The following ACLY variants were observed in gnomAD, a reference collection of about 807,000 sequenced individuals.
The protein encoded by ACLY is ATP-citrate synthase.
In ACLY, 41 loss-of-function variants were observed where a neutral mutation model predicts 133.0. That is an observed-to-expected ratio of 0.31 (90% CI 0.24 to 0.40). ACLY has a LOEUF of 0.40. Among genes scored for constraint, ACLY ranks in the 10% least tolerant of loss-of-function variants. ACLY has a pLI of 1.00. For synonymous variants in ACLY, 495 were observed against 549.3 expected, an observed-to-expected ratio of 0.90 and a Z score of 1.38; for missense variants, 1,046 against 1,453.8, an observed-to-expected ratio of 0.72 and a Z score of 4.56.
intron 16 of ACLY, among the ~76,000 whole-genome samples, chr17:41,888,269 C>T (rs976337750): frequency 6.6e-6 from 1 of 152,162 alleles, no homozygotes; most frequent in Non-Finnish European, 1.5e-5. Flanking sequence ...TAGCTAACAC[C>T]ACAGTGATCC....
At chr17:41,919,620 G>T (rs2050150706), upstream of ACLY, among the ~76,000 whole-genome samples, 1 of 152,222 alleles carries the variant, frequency 6.6e-6, no homozygotes, top group Non-Finnish European at 1.5e-5. Context: ...CAGGCACAGC[G>T]CTGTCCGTCC....
At chr17:41,874,613 G>A (rs377226642) in intron 22 of ACLY, among the ~76,000 whole-genome samples, 4 of 142,368 alleles carry the variant, frequency 2.8e-5, no homozygotes, top group Admixed American at 7.4e-5. Flanking sequence ...TTGCTCTGTC[G>A]CCCAGGCTGG....
intron 8 of ACLY, among the ~76,000 whole-genome samples, chr17:41,905,865 C>A (rs556758518): frequency 3.9e-4 from 60 of 152,308 alleles, no homozygotes; most frequent in African/African-American, 1.4e-3. Context: ...TGCACTCTGC[C>A]AGCCCTAAGG....
intron 10 of ACLY, among the ~76,000 whole-genome samples, chr17:41,903,480 C>A (rs1555631997): frequency 6.6e-6 from 1 of 152,114 alleles, no homozygotes; most frequent in East Asian, 1.9e-4. Flanking sequence ...GATGGCCGGG[C>A]ACAGTGGCTC....
intron 20 of ACLY, among the ~76,000 whole-genome samples, chr17:41,882,595 G>A (rs1400712405): frequency 6.6e-6 from 1 of 152,074 alleles, no homozygotes; most frequent in East Asian, 1.9e-4. Context: ...AAGCTTAGCA[G>A]ACAGCAGAAG....
chr17:41,868,888 C>A, intron 27 of ACLY, 103 bp from the exon 28 acceptor site: 1 of 1,393,414 alleles, frequency 7.2e-7, no homozygotes, highest in Non-Finnish European at 1.0e-6. Context: ...AAGGGGTGCT[C>A]TGGGTGGTAG....
Position 41,905,611 on chromosome 17 carries a change from C to T in ACLY, c.914G>A (p.Gly305Glu). 2 of 1,614,150 alleles carry T rather than the reference C, an allele frequency of 1.2e-6. No homozygotes were observed. Among genetic ancestry groups the T allele is most frequent in the Non-Finnish European group, 1.7e-6 (2 of 1,180,032 alleles). The change falls in exon 9 of 29, where the codon GGG becomes GAG. Residue 305 changes from glycine (G) to glutamate (E), a missense_variant. Around this residue, in one of 4 missense-constraint regions of ACLY, gnomAD observed 575 missense variants for 804.2 expected, o/e 0.71. Transcript: ENST00000352035. ...CTCGCTGGGGGCGCCTGAGTACTCCCCATAGTTTGCCAGCTCGTTGACACC... is the reference window on the plus strand; with the variant it reads ...CTCGCTGGGGGCGCCTGAGTACTCCTCATAGTTTGCCAGCTCGTTGACACC... ...LGGVNELANY[G>E]EYSGAPSEQQ...
upstream of ACLY, among the ~76,000 whole-genome samples, chr17:41,919,367 C>T (rs1048070775): frequency 1.3e-5 from 2 of 152,362 alleles, no homozygotes; most frequent in African/African-American, 4.8e-5. Context: ...CTGGAGTACC[C>T]TTGCTCCTTC....
intron 20 of ACLY, among the ~76,000 whole-genome samples, chr17:41,882,282 A>AT (rs1433648966): frequency 2.1e-5 from 3 of 140,704 alleles, no homozygotes; most frequent in Non-Finnish European, 4.6e-5. Flanking sequence ...CAGGAGAATC[A>AT]TTTGAACCCA....
chr17:41,887,450 A>G (rs1257300937), intron 17 of ACLY, 149 bp downstream of exon 17: 6 of 648,444 alleles, frequency 9.3e-6, no homozygotes, highest in Non-Finnish European at 1.3e-5. Flanking sequence ...AAAAAAAGCT[A>G]AAAATGGACA....
chr17:41,874,777 T>C (rs1394050409), intron 22 of ACLY, among the ~76,000 whole-genome samples: 1 of 150,778 alleles, frequency 6.6e-6, no homozygotes, highest in East Asian at 2.0e-4. Context: ...GTTTCACCGT[T>C]TTAGCCAGGA....
chr17:41,894,673 T>C (rs2049317492), intron 14 of ACLY, among the ~76,000 whole-genome samples: 1 of 151,496 alleles, frequency 6.6e-6, no homozygotes, highest in Admixed American at 6.6e-5. Flanking sequence ...AAAAGAAAAT[T>C]TTAATGCAGC....
At chr17:41,911,653 A>C (rs1555633676) in intron 3 of ACLY, among the ~76,000 whole-genome samples, 1 of 151,434 alleles carries the variant, frequency 6.6e-6, no homozygotes, top group Non-Finnish European at 1.5e-5. Flanking sequence ...TAACTCTATA[A>C]AAAAATGTTA....
chr17:41,917,134 C>CAAAAAAAAAAAAAAAAAAAAAAAAA (rs35545409), intron 1 of ACLY, among the ~76,000 whole-genome samples: 1 of 53,558 alleles, frequency 1.9e-5, no homozygotes, highest in Non-Finnish European at 3.8e-5. Flanking sequence ...GACTCTGTCT[C>CAAAAAAAAAAAAAAAAAAAAAAAAA]AAAAAAAAAA....
rs140430864 is a variant in ACLY at position 41,873,888 on chromosome 17, C to T, written c.2565G>A (p.Ala855=). 9 of 1,610,842 alleles carry T rather than the reference C, an allele frequency of 5.6e-6. No individual in the cohort carries two copies. Among genetic ancestry groups the T allele is most frequent in the Middle Eastern group, 1.6e-4 (1 of 6,066 alleles). The part of the protein sequence containing the change: ...CDERGQELIY[A]GMPITEVFKE... ...TGAAGACCTCAGTGATGGGCATGCC[C>T]GCGTAGATGAGCTCCTGTCCTCGCT... is the stretch of plus-strand genomic sequence containing the variant. Residue 855 remains alanine (A), a synonymous_variant, in exon 23 of 29, where the codon GCG becomes GCA. Coordinates refer to ENST00000352035, the MANE Select transcript of ACLY (RefSeq NM_001096.3).
intron 2 of ACLY, among the ~76,000 whole-genome samples, chr17:41,913,053 C>T (rs2049950225): frequency 6.6e-6 from 1 of 152,190 alleles, no homozygotes; most frequent in Admixed American, 6.5e-5. Context: ...AAACTCCCTC[C>T]ATCCCTTTGT....
At chr17:41,895,548 A>G (rs2049342261) in intron 14 of ACLY, among the ~76,000 whole-genome samples, 1 of 152,140 alleles carries the variant, frequency 6.6e-6, no homozygotes, top group Admixed American at 6.5e-5. Context: ...TCGCTCAGCC[A>G]TAATCTGTTC....
chr17:41,915,997 A>C (rs1555634448), intron 1 of ACLY, among the ~76,000 whole-genome samples: 1 of 152,190 alleles, frequency 6.6e-6, no homozygotes, highest in East Asian at 1.9e-4. Context: ...TGGCACCTCC[A>C]AAACAGACAC....
chr17:41,918,281 C>A (rs2144438884), intron 1 of ACLY, among the ~76,000 whole-genome samples: 1 of 152,362 alleles, frequency 6.6e-6, no homozygotes, highest in Non-Finnish European at 1.5e-5. Flanking sequence ...AGATTCCAGT[C>A]CTCGCGGCGA....
Sources: allele counts gnomAD v4.1 joint callset (sites outside exome capture counted in the v4.1 genomes callset), GRCh38; gene constraint gnomAD v4.1.1; regional missense constraint gnomAD v4.1.1; transcripts MANE v1.5; gene names NCBI Gene and HGNC (gene_info 2026-07-23, HGNC 2026-07-21).